The following ZIM2 variants were observed in gnomAD, a reference collection of about 807,000 sequenced individuals.
ZIM2 encodes zinc finger protein 656.
A neutral mutation model predicts 38.6 loss-of-function variants in ZIM2; 14 were observed. The observed-to-expected ratio is 0.36, with a 90% CI of 0.24 to 0.57. ZIM2 has a LOEUF of 0.57. ZIM2 is among the 20% of genes least tolerant of loss of function. The pLI, the probability that ZIM2 is intolerant of heterozygous loss-of-function variation, is 0.81. For missense variants in ZIM2, 680 were observed against 695.1 expected, an observed-to-expected ratio of 0.98 and a Z score of 0.24; for synonymous variants, 247 against 245.8, an observed-to-expected ratio of 1.00 and a Z score of -0.04.
intron 12 of ZIM2, among the ~76,000 whole-genome samples, chr19:56,777,970 G>A (rs966434036): frequency 6.6e-6 from 1 of 151,970 alleles, no homozygotes; most frequent in African/African-American, 2.4e-5. Flanking sequence ...CAGGGCCCTG[G>A]CACTTGCTGT....
intron 1 of ZIM2, among the ~76,000 whole-genome samples, chr19:56,838,409 G>A (rs956615517): frequency 2.6e-5 from 4 of 152,174 alleles, no homozygotes; most frequent in African/African-American, 7.2e-5. Context: ...AGGGGCAGTG[G>A]AGGTGAGGGT....
intron 1 of ZIM2, among the ~76,000 whole-genome samples, 161 bp downstream of exon 1, chr19:56,840,421 G>A (rs1234674525): frequency 6.6e-6 from 1 of 152,296 alleles, no homozygotes; most frequent in African/African-American, 2.4e-5. Context: ...CTGGGCAGCG[G>A]GCGGCCAAGT....
intron 1 of ZIM2, among the ~76,000 whole-genome samples, chr19:56,837,661 G>A (rs1053680064): frequency 6.6e-6 from 1 of 152,182 alleles, no homozygotes; most frequent in African/African-American, 2.4e-5. Context: ...TGCAGCCCGC[G>A]GTCACTCAGG....
Position 56,777,805 on chromosome 19 carries a change from C to T in ZIM2, c.835+1572G>A, listed in dbSNP as rs114378438. Among the ~76,000 whole-genome samples the T allele has an allele frequency of 3.3e-3, 495 of 152,298 alleles. 2 individuals carry two copies. Among genetic ancestry groups the T allele is most frequent in the African/African-American group, 0.011 (472 of 41,566 alleles). On this transcript the variant is annotated intron_variant, in intron 12 of 12. Coordinates refer to ENST00000629319, the MANE Select transcript of ZIM2 (RefSeq NM_001387356.1). The stretch of plus-strand genomic sequence containing the variant: ...TCATGCCCCTGCTCAAAACCTCCCC[C>T]CATCTTTGCATCTCACTTATAATAA...
chr19:56,785,889 G>A (rs966464284), intron 10 of ZIM2, among the ~76,000 whole-genome samples: 16 of 152,030 alleles, frequency 1.1e-4, no homozygotes, highest in Admixed American at 3.9e-4. Flanking sequence ...TTTAATTTAC[G>A]TATTATAAAA....
At chr19:56,823,314 C>A (rs1019150156) in intron 5 of ZIM2, among the ~76,000 whole-genome samples, 5 of 152,226 alleles carry the variant, frequency 3.3e-5, no homozygotes, top group African/African-American at 9.6e-5. Context: ...CCTGAGGAGG[C>A]TGGGGGTACA....
At chr19:56,779,292 G>T in intron 12 of ZIM2, 85 bp downstream of exon 12, 1 of 1,418,724 alleles carries the variant, frequency 7.0e-7, no homozygotes, top group Non-Finnish European at 9.8e-7. Flanking sequence ...GACTTCTCCT[G>T]GCCCAGGGGA....
At chr19:56,779,142 G>A (rs906996555) in intron 12 of ZIM2, among the ~76,000 whole-genome samples, 14 of 152,104 alleles carry the variant, frequency 9.2e-5, no homozygotes, top group African/African-American at 3.4e-4. Flanking sequence ...AAAGGCATGA[G>A]TGGACGGAAG....
chr19:56,815,954 A>G (rs773321061), intron 9 of ZIM2: 1 of 1,594,794 alleles, frequency 6.3e-7, no homozygotes, highest in East Asian at 2.2e-5. Context: ...GACCTACTGT[A>G]TTCCCTTCCT....
chr19:56,813,486 G>C, intron 9 of ZIM2: 1 of 1,402,510 alleles, frequency 7.1e-7, no homozygotes, highest in Non-Finnish European at 9.3e-7. Flanking sequence ...CATCTGAAGG[G>C]GAAAGCTTAA....
chr19:56,816,292 C>A, intron 9 of ZIM2: 1 of 1,613,904 alleles, frequency 6.2e-7, no homozygotes, highest in Admixed American at 1.7e-5. Context: ...TTTCTCATAC[C>A]CTCTGCCTTC....
intron 7 of ZIM2, among the ~76,000 whole-genome samples, chr19:56,819,464 AG>A (rs1336210924): frequency 1.3e-5 from 2 of 152,210 alleles, no homozygotes; most frequent in Non-Finnish European, 2.9e-5. Context: ...TTATTGCCAG[AG>A]GGCTGACTAG....
intron 10 of ZIM2, among the ~76,000 whole-genome samples, chr19:56,784,994 C>T (rs1399144951): frequency 1.3e-5 from 2 of 152,092 alleles, no homozygotes; most frequent in African/African-American, 4.8e-5. Context: ...CCAGCTCCTT[C>T]AGATGGGTTT....
At chr19:56,778,647 G>A (rs777802140) in intron 12 of ZIM2, among the ~76,000 whole-genome samples, 3 of 152,150 alleles carry the variant, frequency 2.0e-5, no homozygotes, top group Admixed American at 6.5e-5. Context: ...CTAGGTCTTC[G>A]ATGACTTCAC....
chr19:56,782,196 C>G, intron 10 of ZIM2, 75 bp from the exon 11 acceptor site: 1 of 1,553,188 alleles, frequency 6.4e-7, no homozygotes, highest in Non-Finnish European at 8.7e-7. Context: ...CAGCAGAGAG[C>G]TTCCACGTGC....
At chr19:56,794,215 G>A (rs117409116) in intron 9 of ZIM2, among the ~76,000 whole-genome samples, 57 of 152,212 alleles carry the variant, frequency 3.7e-4, no homozygotes, top group Non-Finnish European at 6.8e-4. Flanking sequence ...AAGTACGAAC[G>A]GTAATATTAT....
chr19:56,824,135 G>A, intron 4 of ZIM2, 127 bp downstream of exon 4: 2 of 1,449,604 alleles, frequency 1.4e-6, no homozygotes, highest in East Asian at 2.3e-5. Context: ...CAGTACACAG[G>A]ACATCCCCAC....
In ZIM2 at chr19:56,837,621, A is replaced by G. The variant is rs150665345; in HGVS notation, c.-313-1517T>C. 2.6e-5 allele frequency among the ~76,000 whole-genome samples: 4 copies of G among 152,322 alleles called. No individual in the cohort carries two copies. In the East Asian group the frequency reaches 7.7e-4, roughly 29 times the overall value. On this transcript the variant is annotated intron_variant, in intron 1 of 12. Transcript: ENST00000629319. ...GCCATGAGGGCACGCTGCCCAAGAT[A>G]GCGGGGGTAGGGCTCAGCTGGCACG...
chr19:56,816,617 T>C (rs2060001483), intron 9 of ZIM2: 1 of 1,613,804 alleles, frequency 6.2e-7, no homozygotes, highest in African/African-American at 1.3e-5. Context: ...GGGCTGGGCC[T>C]AAAGGTTTCC....
Sources: gnomAD v4.1 joint callset for allele counts (sites outside exome capture counted in the v4.1 genomes callset) on GRCh38, gnomAD v4.1.1 for gene constraint, MANE v1.5 for transcripts, NCBI Gene and HGNC (gene_info 2026-07-23, HGNC 2026-07-21) for gene names.